Variants in L3MBTL1 observed in about 807,000 individuals in gnomAD.
The protein encoded by L3MBTL1 is lethal(3)malignant brain tumor-like protein 1.
Under a neutral mutation model 105.3 loss-of-function variants are expected in L3MBTL1, and 75 were observed. The ratio of observed to expected loss-of-function variants is 0.71; its 90% confidence interval spans 0.59 to 0.86. The LOEUF (loss-of-function observed/expected upper bound fraction) is 0.86. L3MBTL1 is among the 40% of genes least tolerant of loss of function. L3MBTL1 has a pLI of 0.00. For synonymous variants in L3MBTL1, 452 were observed against 436.2 expected (o/e 1.04, Z -0.45); for missense variants, 1,069 against 1,126.4 (o/e 0.95, Z 0.73).
intron 20 of L3MBTL1, 21 bp downstream of exon 20, chr20:43,540,329 T>G (rs754298680): frequency 1.9e-6 from 3 of 1,609,504 alleles, no homozygotes; most frequent in Non-Finnish European, 2.5e-6. Context: ...AGGGCCCTTC[T>G]TTATCCTTCT....
chr20:43,507,900 G>C (rs552332161), intron 1 of L3MBTL1, among the ~76,000 whole-genome samples, 156 bp downstream of exon 1: 1 of 152,168 alleles, frequency 6.6e-6, no homozygotes, highest in Non-Finnish European at 1.5e-5. Flanking sequence ...GAGGAGGTTC[G>C]GGAAAACGCC....
chr20:43,522,464 T>G (rs1304005815), intron 7 of L3MBTL1, among the ~76,000 whole-genome samples: 1 of 113,462 alleles, frequency 8.8e-6, no homozygotes. Context: ...TAAGTTTTTT[T>G]TTTTTTTTTT....
In L3MBTL1 at chr20:43,515,137, T is replaced by C. The variant is rs368664102; in HGVS notation, c.631T>C (p.Cys211Arg). ...GPDLGSSNDGCPQLFQERSVI... is the reference protein window; with the variant it reads ...GPDLGSSNDGRPQLFQERSVI... ...AGATCTTGGTTCCTCTAATGATGGC[T>C]GCCCTCAGCTGTTCCAGGAGCGGTA... The change falls in exon 5 of 22, where the codon TGC (cysteine) becomes CGC (arginine). Residue 211 changes from cysteine to arginine, a missense_variant. Coordinates refer to ENST00000418998, the MANE Select transcript of L3MBTL1 (RefSeq NM_001377303.1). 1 of 1,614,164 alleles carries C rather than the reference T, an allele frequency of 6.2e-7. No homozygotes were observed. The highest frequency in any genetic ancestry group is 8.5e-7 in the Non-Finnish European group (1 of 1,180,012).
At chr20:43,514,319 T>G (rs540804330) in intron 3 of L3MBTL1, 1 of 1,009,566 alleles carries the variant, frequency 9.9e-7, no homozygotes, top group Non-Finnish European at 1.4e-6. Flanking sequence ...TGGCTTAGAC[T>G]GGGGCACCCT....
At chr20:43,543,668 C>T (rs773030232), downstream of L3MBTL1, among the ~76,000 whole-genome samples, 1 of 152,196 alleles carries the variant, frequency 6.6e-6, no homozygotes, top group Non-Finnish European at 1.5e-5. Context: ...GGAGTGGGCT[C>T]TCTCTGGCTT....
At chr20:43,542,735 G>A (rs930045694), downstream of L3MBTL1, among the ~76,000 whole-genome samples, 3 of 151,832 alleles carry the variant, frequency 2.0e-5, no homozygotes, top group East Asian at 1.9e-4. Flanking sequence ...AATTTCTAGC[G>A]TCATAGATGA....
At chr20:43,508,044 C>A (rs6124568) in intron 1 of L3MBTL1, among the ~76,000 whole-genome samples, 2,209 of 152,220 alleles carry the variant, frequency 0.015, 28 homozygotes, top group East Asian at 0.06. Context: ...TTTGGAGATA[C>A]GCAATCAATT....
chr20:43,546,605 C>T (rs544967023), downstream of L3MBTL1, among the ~76,000 whole-genome samples: 5 of 152,064 alleles, frequency 3.3e-5, no homozygotes, highest in South Asian at 1.0e-3. Flanking sequence ...GGAGGGATGG[C>T]GTCTCCTCAA....
In L3MBTL1 at chr20:43,514,048, G is replaced by A. The variant is rs749323849; in HGVS notation, c.347G>A (p.Gly116Glu). ...EWTEAAAPPP[G>E]GGLRFRISEY... ...ACAGAGGCCGCGGCCCCGCCCCCAG[G>A]GGGCGGCCTGCGGGTCAGTGTCTGT... Residue 116 changes from glycine (G) to glutamate (E), a missense_variant, in exon 3 of 22, where the codon GGG becomes GAG. Transcript: ENST00000418998. 1 of 1,534,364 alleles carries A rather than the reference G, an allele frequency of 6.5e-7. No individual in the cohort carries two copies. Among genetic ancestry groups the A allele is most frequent in the South Asian group, 1.2e-5 (1 of 83,910 alleles).
intron 1 of L3MBTL1, among the ~76,000 whole-genome samples, chr20:43,511,417 A>G (rs1352175776): frequency 6.6e-6 from 1 of 152,188 alleles, no homozygotes; most frequent in African/African-American, 2.4e-5. Flanking sequence ...AAGGATGAGA[A>G]AGAAAGAAAT....
chr20:43,528,652 C>T lies in L3MBTL1; in HGVS notation c.863-5C>T. On this transcript the variant is annotated splice_region_variant and splice_polypyrimidine_tract_variant and intron_variant, in intron 7 of 21. Transcript: ENST00000418998. Reference sequence around the variant, plus strand: ...GGAGTTAGCCTGTCTGTCCCCTTTCCACAGCAACAGGTGAGAAGAAGGAAT... The same window carrying T: ...GGAGTTAGCCTGTCTGTCCCCTTTCTACAGCAACAGGTGAGAAGAAGGAAT... The T allele has an allele frequency of 6.2e-7, 1 of 1,613,188 alleles. No homozygotes were observed. The highest frequency in any genetic ancestry group is 8.5e-7 in the Non-Finnish European group (1 of 1,179,120).
intron 1 of L3MBTL1, among the ~76,000 whole-genome samples, chr20:43,508,609 C>A (rs775094067): frequency 1.5e-4 from 23 of 152,262 alleles, no homozygotes; most frequent in Non-Finnish European, 4.4e-5. Flanking sequence ...TGGACACATT[C>A]AGCCAACAGA....
downstream of L3MBTL1, among the ~76,000 whole-genome samples, chr20:43,542,075 T>C (rs928536525): frequency 2.0e-5 from 3 of 152,160 alleles, no homozygotes; most frequent in Non-Finnish European, 2.9e-5. Context: ...CTGGGTGTGG[T>C]GGCATGCACC....
chr20:43,519,990 T>G (rs532670178), intron 7 of L3MBTL1, among the ~76,000 whole-genome samples: 30 of 151,002 alleles, frequency 2.0e-4, no homozygotes, highest in Admixed American at 1.1e-3. Context: ...TTCAGTGGGG[T>G]TTTTTTTTGG....
chr20:43,540,384 A>G, intron 20 of L3MBTL1, 76 bp downstream of exon 20: 1 of 1,541,672 alleles, frequency 6.5e-7, no homozygotes, highest in Non-Finnish European at 8.8e-7. Context: ...GGAAAGGCCC[A>G]GGTCAGGTAG....
At chr20:43,512,350 A>G (rs540120872) in intron 1 of L3MBTL1, among the ~76,000 whole-genome samples, 57 of 152,286 alleles carry the variant, frequency 3.7e-4, no homozygotes, top group Non-Finnish European at 6.3e-4. Context: ...TGTCCAATAC[A>G]ATAGTCATAG....
intron 7 of L3MBTL1, among the ~76,000 whole-genome samples, chr20:43,527,997 A>G (rs2019120048): frequency 6.6e-6 from 1 of 152,128 alleles, no homozygotes; most frequent in African/African-American, 2.4e-5. Context: ...GGTTCAAGCA[A>G]TTCTCCTGCC....
chr20:43,530,883 G>C lies in L3MBTL1; in HGVS notation c.1278G>C (p.Gln426His), dbSNP rs748636119. 6 of 1,613,346 alleles carry C rather than the reference G, an allele frequency of 3.7e-6. No homozygotes were observed. Among genetic ancestry groups the C allele is most frequent in the Middle Eastern group, 1.7e-4 (1 of 6,056 alleles). The change falls in exon 11 of 22, where the codon CAG becomes CAC. Residue 426 changes from glutamine to histidine, a missense_variant. Coordinates refer to ENST00000418998, the MANE Select transcript of L3MBTL1 (RefSeq NM_001377303.1). ...QAAPKHLFVS[Q>H]SHSPPPLGFQ... ...CCCCCAAGCACCTGTTTGTGAGCCA[G>C]AGCCACGTGAGTGCCCCTGAGTGAG...
At chr20:43,519,463 C>A (rs1440939015) in intron 7 of L3MBTL1, among the ~76,000 whole-genome samples, 2 of 151,990 alleles carry the variant, frequency 1.3e-5, no homozygotes, top group East Asian at 3.9e-4. Context: ...ATGGAGAAAC[C>A]CCATCTCTAC....
Sources: gnomAD v4.1 joint callset for allele counts (sites outside exome capture counted in the v4.1 genomes callset) on GRCh38, gnomAD v4.1.1 for gene constraint, MANE v1.5 for transcripts, NCBI Gene and HGNC (gene_info 2026-07-23, HGNC 2026-07-21) for gene names.